Variants in MEIS3 observed in about 807,000 individuals in gnomAD.
MEIS3 encodes the protein homeobox protein Meis3.
Under a neutral mutation model 51.4 loss-of-function variants are expected in MEIS3, and 38 were observed. That is an observed-to-expected ratio of 0.74 (90% CI 0.57 to 0.97). The LOEUF (loss-of-function observed/expected upper bound fraction) is 0.97. Among genes scored for constraint, MEIS3 ranks in the 50% least tolerant of loss-of-function variants. The pLI, the probability that MEIS3 is intolerant of heterozygous loss-of-function variation, is 0.00. For missense variants in MEIS3, 456 were observed against 502.6 expected (o/e 0.91, Z 0.89); for synonymous variants, 198 against 201.8 (o/e 0.98, Z 0.16).
In MEIS3 at chr19:47,417,276, G is replaced by A. The variant is rs138714122; in HGVS notation, c.87C>T (p.Pro29=). 2.2e-4 allele frequency: 354 copies of A among 1,613,354 alleles called. 2 individuals are homozygous for A. The highest frequency in any genetic ancestry group is 4.4e-4 in the African/African-American group (33 of 75,052). The change falls in exon 2 of 13, where the codon CCC becomes CCT. Residue 29 remains proline, a synonymous_variant. Coordinates refer to ENST00000558555, the MANE Select transcript of MEIS3 (RefSeq NM_001301059.2). ...GCGGGCCATAGGGCCCTGGTACTGC[G>A]GGCACTGTCTCTGGGAAGCTAGCCA... ...AALASFPETV[P]AVPGPYGPHR... is the part of the protein sequence containing the mutation.
intron 5 of MEIS3, 42 bp from the exon 6 acceptor site, chr19:47,414,908 G>A (rs1796376596): frequency 1.5e-6 from 2 of 1,323,368 alleles, no homozygotes; most frequent in African/African-American, 1.5e-5. Context: ...ACCCACGGGG[G>A]CAGGGCGGGG....
At chr19:47,418,803 G>T in intron 1 of MEIS3, 1 of 369,548 alleles carries the variant, frequency 2.7e-6, no homozygotes. Flanking sequence ...GAGGAGAGTG[G>T]GGCAGACAGA....
chr19:47,412,939 G>C (rs746220724), intron 6 of MEIS3, among the ~76,000 whole-genome samples: 2 of 151,618 alleles, frequency 1.3e-5, no homozygotes, highest in Non-Finnish European at 2.9e-5. Context: ...CCTGACCTCA[G>C]ATGATCTGCT....
Position 47,415,095 on chromosome 19 carries a change from G to A in MEIS3, c.403C>T (p.Gln135Ter), listed in dbSNP as rs1421781881. Residue 135 changes from glutamine to a stop codon, truncating the protein, a stop_gained, in exon 5 of 13, where the codon CAG becomes TAG. Coordinates refer to ENST00000558555, the MANE Select transcript of MEIS3 (RefSeq NM_001301059.2). LOFTEE classifies it high-confidence loss of function. ...SNPELDNLMI[Q>*]AIQVLRFHLL... ...TGGAACCGCAGCACCTGGATGGCCT[G>A]GATCATCTGAAAACGTGGGCGGGAG... The A allele has an allele frequency of 2.6e-6, 4 of 1,516,890 alleles. No individual in the cohort carries two copies. The highest frequency in any genetic ancestry group is 3.5e-6 in the Non-Finnish European group (4 of 1,127,956). The allele number at this position is 1,516,890 out of a possible 1,614,324, so 94.0% of individuals were successfully genotyped here.
intron 2 of MEIS3, 42 bp downstream of exon 2, chr19:47,417,136 C>G (rs1230350025): frequency 6.6e-7 from 1 of 1,526,360 alleles, no homozygotes; most frequent in East Asian, 2.3e-5. Context: ...AGCAGAAAGA[C>G]AGAGAGAGAG....
upstream of MEIS3, among the ~76,000 whole-genome samples, chr19:47,421,188 G>A (rs1244597181): frequency 6.6e-6 from 1 of 152,042 alleles, no homozygotes; most frequent in Non-Finnish European, 1.5e-5. Flanking sequence ...GCATCAGAGT[G>A]ACCCCAGCTC....
At chr19:47,420,940 A>ACACACACACTCTCTCTCTCT (rs1187725467), upstream of MEIS3, among the ~76,000 whole-genome samples, 20 of 90,986 alleles carry the variant, frequency 2.2e-4, no homozygotes, top group East Asian at 1.0e-3. Context: ...ACACACACAC[A>ACACACACACTCTCTCTCTCT]CTCTCTCTCT....
chr19:47,419,341 G>T lies in MEIS3; in HGVS notation c.-260C>A, dbSNP rs917389837. On this transcript the variant is annotated 5_prime_UTR_variant, in exon 1 of 13. Coordinates refer to ENST00000558555, the MANE Select transcript of MEIS3 (RefSeq NM_001301059.2). ...CGCCGCCGGGGCGGGGGCAGCAGGC[G>T]CAGGCGGGGCGCCCGAGGCCCCCTC... The T allele has an allele frequency of 3.6e-5, 6 of 165,764 alleles. No individual in the cohort carries two copies. Among genetic ancestry groups the T allele is most frequent in the Non-Finnish European group, 7.6e-5 (6 of 78,436 alleles). 10.3% of individuals were successfully genotyped at this position (165,764 alleles called of 1,614,324 possible). A position where few individuals can be genotyped will look rare whatever the true frequency, so the allele number is the denominator to read the frequency against.
chr19:47,419,835 T>C (rs1971640591), upstream of MEIS3, among the ~76,000 whole-genome samples: 2 of 152,208 alleles, frequency 1.3e-5, no homozygotes, highest in South Asian at 4.1e-4. Flanking sequence ...CCTCTGGCTC[T>C]CTGTTCTCCG....
upstream of MEIS3, among the ~76,000 whole-genome samples, chr19:47,421,167 C>T (rs1004870711): frequency 2.6e-5 from 4 of 152,056 alleles, no homozygotes; most frequent in Non-Finnish European, 5.9e-5. Flanking sequence ...GGCTGAGTGG[C>T]TCCCTGGGTG....
chr19:47,412,728 ATT>A lies in MEIS3; in HGVS notation c.597+1987_597+1988del, dbSNP rs567301983. Among the ~76,000 whole-genome samples the A allele has an allele frequency of 9.6e-4, 146 of 152,028 alleles. 1 individual carries two copies. The highest frequency in any genetic ancestry group is 3.2e-3 in the African/African-American group (131 of 41,476). On this transcript the variant is annotated intron_variant, in intron 6 of 12. Coordinates refer to ENST00000558555, the MANE Select transcript of MEIS3 (RefSeq NM_001301059.2). ...AGGTGCGTGCCACCACGCCTGTCTA[ATT>A]TTTTGTTTTTTTTATGTTTAGTAGA...
chr19:47,414,534 C>T (rs930183065), intron 6 of MEIS3, among the ~76,000 whole-genome samples, 183 bp downstream of exon 6: 3 of 152,124 alleles, frequency 2.0e-5, no homozygotes, highest in African/African-American at 4.8e-5. Flanking sequence ...TGCACTGTTG[C>T]CCAGCCGCAT....
At chr19:47,409,907 T>C (rs1343124425) in intron 6 of MEIS3, among the ~76,000 whole-genome samples, 1 of 151,592 alleles carries the variant, frequency 6.6e-6, no homozygotes, top group African/African-American at 2.4e-5. Flanking sequence ...GCATGGACTC[T>C]GGAGCTAGGA....
In MEIS3 at chr19:47,409,262, G is replaced by A. The variant is rs374610933; in HGVS notation, c.710-15C>T. The A allele has an allele frequency of 1.2e-6, 2 of 1,602,722 alleles. No individual in the cohort carries two copies. Among genetic ancestry groups the A allele is most frequent in the South Asian group, 1.1e-5 (1 of 90,000 alleles). On this transcript the variant is annotated splice_polypyrimidine_tract_variant and intron_variant, in intron 7 of 12. Coordinates refer to ENST00000558555, the MANE Select transcript of MEIS3 (RefSeq NM_001301059.2). The stretch of plus-strand genomic sequence containing the variant: ...CAGCCCGTCTCCTGAGGGAAGGCAG[G>A]CATGCTGTGTGTGTGGGTAGTGAAG...
intron 9 of MEIS3, 78 bp from the exon 10 acceptor site, chr19:47,407,215 G>A (rs1484619830): frequency 3.3e-6 from 5 of 1,514,114 alleles, no homozygotes; most frequent in South Asian, 2.5e-5. Context: ...AGAGCGGGCC[G>A]GAGGACAGCG....
chr19:47,414,588 C>T, intron 6 of MEIS3, 129 bp downstream of exon 6: 1 of 1,074,038 alleles, frequency 9.3e-7, no homozygotes, highest in Non-Finnish European at 1.3e-6. Context: ...TGGCTGTGTG[C>T]ATATGCGTGC....
intron 6 of MEIS3, among the ~76,000 whole-genome samples, chr19:47,414,217 G>A (rs1325494816): frequency 1.3e-5 from 2 of 152,142 alleles, no homozygotes; most frequent in African/African-American, 2.4e-5. Context: ...GCCCAAGTGT[G>A]GTTATATCTG....
At position 47,415,121 on chromosome 19, in the gene MEIS3, G is replaced by T. The variant is rs1205382879; in HGVS notation, c.397-20C>A. The T allele has an allele frequency of 6.6e-7, 1 of 1,508,126 alleles. No homozygotes were observed. Among genetic ancestry groups the T allele is most frequent in the Admixed American group, 2.0e-5 (1 of 50,386 alleles). The allele number at this position is 1,508,126 out of a possible 1,614,324, so 93.4% of individuals were successfully genotyped here. A position where few individuals can be genotyped will look rare whatever the true frequency, so the allele number is the denominator to read the frequency against. ...GATCATCTGAAAACGTGGGCGGGAG[G>T]TGGGGGGAGACAGAGGGAATTGGGG... is the stretch of plus-strand genomic sequence containing the variant. On this transcript the variant is annotated intron_variant, in intron 4 of 12. Coordinates refer to ENST00000558555, the MANE Select transcript of MEIS3 (RefSeq NM_001301059.2).
chr19:47,415,571 CTCTTTTTTTT>C (rs955658051), intron 4 of MEIS3, among the ~76,000 whole-genome samples: 6 of 122,176 alleles, frequency 4.9e-5, no homozygotes, highest in Non-Finnish European at 6.7e-5. Flanking sequence ...CTCTCTCTCT[CTCTTTTTTTT>C]TTTTTTTTTT....
Sources: gnomAD v4.1 joint callset for allele counts (sites outside exome capture counted in the v4.1 genomes callset) on GRCh38, gnomAD v4.1.1 for gene constraint, MANE v1.5 for transcripts, NCBI Gene and HGNC (gene_info 2026-07-23, HGNC 2026-07-21) for gene names.